The following THSD7A variants were observed in gnomAD, a reference collection of about 807,000 sequenced individuals.
THSD7A encodes thrombospondin type 1 domain containing 7A.
Under a neutral mutation model 231.3 loss-of-function variants are expected in THSD7A, and 96 were observed. The observed-to-expected ratio is 0.41, with a 90% CI of 0.35 to 0.49. THSD7A has a LOEUF of 0.49. THSD7A is among the 20% of genes least tolerant of loss of function. The pLI, the probability that THSD7A is intolerant of heterozygous loss-of-function variation, is 0.05. For missense variants in THSD7A, 2,290 were observed against 2,070.2 expected (o/e 1.11, Z -2.06); for synonymous variants, 940 against 743.3 (o/e 1.26, Z -4.30).
chr7:11,719,344 C>T (rs1264857836), intron 1 of THSD7A, among the ~76,000 whole-genome samples: 1 of 151,560 alleles, frequency 6.6e-6, no homozygotes, highest in Non-Finnish European at 1.5e-5. Context: ...GAGACATCAG[C>T]CTTCATTGTT....
At chr7:11,484,600 T>C (rs2128305562) in intron 6 of THSD7A, among the ~76,000 whole-genome samples, 1 of 152,334 alleles carries the variant, frequency 6.6e-6, no homozygotes, top group African/African-American at 2.4e-5. Context: ...CGTATCTGTC[T>C]TGGTTGCTAC....
Position 11,417,622 on chromosome 7 carries a change from A to G in THSD7A, c.3384-19T>C. 1.9e-6 allele frequency: 3 copies of G among 1,591,118 alleles called. No homozygotes were observed. Among genetic ancestry groups the G allele is most frequent in the Non-Finnish European group, 2.6e-6 (3 of 1,173,294 alleles). On this transcript the variant is annotated intron_variant, in intron 16 of 27. Transcript: ENST00000423059. ...CATGCATCTAGAAAAGAACATAAACATATTCTAGAAAATATACATACATTC... is the reference window on the plus strand; with the variant it reads ...CATGCATCTAGAAAAGAACATAAACGTATTCTAGAAAATATACATACATTC...
chr7:11,514,730 A>G (rs970542175), intron 6 of THSD7A, among the ~76,000 whole-genome samples: 2 of 152,214 alleles, frequency 1.3e-5, no homozygotes, highest in African/African-American at 2.4e-5. Context: ...TTATTCAGTA[A>G]TATTAAACAA....
chr7:11,791,956 A>G (rs1783965070), intron 1 of THSD7A, among the ~76,000 whole-genome samples: 2 of 151,816 alleles, frequency 1.3e-5, no homozygotes, highest in African/African-American at 4.8e-5. Flanking sequence ...TGATCTATTC[A>G]TTCCATAATT....
intron 2 of THSD7A, among the ~76,000 whole-genome samples, chr7:11,611,795 C>CAT (rs1780932359): frequency 1.6e-5 from 1 of 63,480 alleles, no homozygotes; most frequent in African/African-American, 4.8e-5. Context: ...AAAACACACA[C>CAT]ACACACACAC....
At chr7:11,512,309 A>C (rs1787844890) in intron 6 of THSD7A, among the ~76,000 whole-genome samples, 1 of 152,172 alleles carries the variant, frequency 6.6e-6, no homozygotes, top group South Asian at 2.1e-4. Flanking sequence ...GGATGTGGGG[A>C]AATAGGAACA....
chr7:11,706,013 G>A (rs1324740212), intron 1 of THSD7A, among the ~76,000 whole-genome samples: 1 of 150,836 alleles, frequency 6.6e-6, no homozygotes, highest in Non-Finnish European at 1.5e-5. Context: ...AAATGATTTG[G>A]ATTATACTTT....
intron 13 of THSD7A, among the ~76,000 whole-genome samples, chr7:11,431,325 T>G (rs1784471640): frequency 6.6e-6 from 1 of 152,186 alleles, no homozygotes; most frequent in Admixed American, 6.5e-5. Context: ...AATTTAATAG[T>G]TTTAGCTCTT....
chr7:11,473,293 T>C (rs561780611), intron 8 of THSD7A, among the ~76,000 whole-genome samples: 111 of 152,288 alleles, frequency 7.3e-4, no homozygotes, highest in African/African-American at 2.4e-3. Flanking sequence ...AAGGAGTAGC[T>C]GAAATTCTTA....
chr7:11,497,089 T>C (rs1256643233), intron 6 of THSD7A, among the ~76,000 whole-genome samples: 3 of 152,266 alleles, frequency 2.0e-5, no homozygotes, highest in Non-Finnish European at 2.9e-5. Context: ...CTTACAATCA[T>C]GGTGGAAGGG....
At chr7:11,447,738 T>C (rs1255785525) in intron 11 of THSD7A, among the ~76,000 whole-genome samples, 1 of 152,162 alleles carries the variant, frequency 6.6e-6, no homozygotes, top group Non-Finnish European at 1.5e-5. Context: ...TATTTAGAAA[T>C]AAATTTGTAA....
chr7:11,767,908 G>A (rs1783082394), intron 1 of THSD7A, among the ~76,000 whole-genome samples: 1 of 152,162 alleles, frequency 6.6e-6, no homozygotes, highest in Non-Finnish European at 1.5e-5. Flanking sequence ...CTTAGAAGGA[G>A]AGATGACTTT....
At chr7:11,662,311 G>T (rs563195764) in intron 1 of THSD7A, among the ~76,000 whole-genome samples, 1 of 151,350 alleles carries the variant, frequency 6.6e-6, no homozygotes, top group African/African-American at 2.4e-5. Flanking sequence ...ATACAGATTG[G>T]TAAGTTTTAA....
At position 11,392,025 on chromosome 7, in the gene THSD7A, G is replaced by A. The variant is rs755038666; in HGVS notation, c.4412-9409C>T. Among the ~76,000 whole-genome samples the A allele has an allele frequency of 6.0e-4, 91 of 152,200 alleles. 1 individual carries two copies. Among genetic ancestry groups the A allele is most frequent in the African/African-American group, 2.1e-3 (86 of 41,562 alleles). On this transcript the variant is annotated intron_variant, in intron 23 of 27. Transcript: ENST00000423059. ...TTGATCTCGCTGGGATCTGCAGACC[G>A]GAGCTGTTCCTATTTGGCCATCTTG...
rs139318639 is a variant in THSD7A, at chr7:11,779,997, T to C, written c.190+51760A>G. Among the ~76,000 whole-genome samples the C allele has an allele frequency of 4.6e-3, 708 of 152,280 alleles. 7 individuals are homozygous for C. The highest frequency in any genetic ancestry group is 0.016 in the African/African-American group (662 of 41,562). The stretch of plus-strand genomic sequence containing the variant: ...CTATAACAAATTGCCATCGATTGAG[T>C]GACTTAAACAGCCAACACTTGTTTT... On this transcript the variant is annotated intron_variant, in intron 1 of 27. Coordinates refer to ENST00000423059, the MANE Select transcript of THSD7A (RefSeq NM_015204.3).
At chr7:11,382,666 A>T (rs1239370231) in intron 23 of THSD7A, 50 bp from the exon 24 acceptor site, 1 of 1,342,586 alleles carries the variant, frequency 7.4e-7, no homozygotes, top group South Asian at 1.2e-5. Flanking sequence ...ACCCAGAAGG[A>T]CAATCATGGG....
intron 1 of THSD7A, among the ~76,000 whole-genome samples, chr7:11,756,020 CT>C (rs1782663149): frequency 6.6e-6 from 1 of 152,018 alleles, no homozygotes; most frequent in Admixed American, 6.6e-5. Flanking sequence ...TAAAAATCTA[CT>C]TAATGATAAT....
At position 11,658,856 on chromosome 7, in the gene THSD7A, T is replaced by C. The variant is rs117286385; in HGVS notation, c.191-21895A>G. ...AGTTTTGTTTCTCTTGAAAAGAAAA[T>C]GAGCACATGTAAGATGTACTGTATC... is the stretch of plus-strand genomic sequence containing the variant. On this transcript the variant is annotated intron_variant, in intron 1 of 27. Coordinates refer to ENST00000423059, the MANE Select transcript of THSD7A (RefSeq NM_015204.3). Among the ~76,000 whole-genome samples, 170 of 151,810 alleles carry C rather than the reference T, an allele frequency of 1.1e-3. 2 individuals are homozygous for C. In the East Asian group the frequency reaches 0.028, roughly 25 times the overall value.
chr7:11,476,737 C>A (rs1786201152), intron 7 of THSD7A, among the ~76,000 whole-genome samples: 1 of 151,182 alleles, frequency 6.6e-6, no homozygotes, highest in African/African-American at 2.4e-5. Context: ...ATCGCTTGAG[C>A]CTGGGAGGTG....
Sources: gnomAD v4.1 joint callset for allele counts (sites outside exome capture counted in the v4.1 genomes callset) on GRCh38, gnomAD v4.1.1 for gene constraint, MANE v1.5 for transcripts, NCBI Gene and HGNC (gene_info 2026-07-23, HGNC 2026-07-21) for gene names.